The following RUFY1 variants were observed in gnomAD, a reference collection of about 807,000 sequenced individuals.
The protein encoded by RUFY1 is RUN and FYVE domain containing 1, also known as RUN and FYVE domain-containing protein 1.
In RUFY1, 54 loss-of-function variants were observed where a neutral mutation model predicts 94.6. The observed-to-expected ratio is 0.57, with a 90% CI of 0.46 to 0.72. The LOEUF (loss-of-function observed/expected upper bound fraction) is 0.72. RUFY1 is among the 30% of genes least tolerant of loss of function. The probability of loss-of-function intolerance (pLI) is 0.00; values close to 1 mark genes in which losing one functional copy is unlikely to be tolerated. For missense variants in RUFY1, 883 were observed against 883.9 expected (o/e 1.00, Z 0.01); for synonymous variants, 396 against 347.3 (o/e 1.14, Z -1.56).
chr5:179,600,539 A>G (rs1317137528), intron 14 of RUFY1, among the ~76,000 whole-genome samples: 1 of 152,224 alleles, frequency 6.6e-6, no homozygotes, highest in African/African-American at 2.4e-5. Flanking sequence ...CCACCTTTCA[A>G]ACTAGTCTTT....
At chr5:179,559,956 C>T in intron 1 of RUFY1, 69 bp from the exon 2 acceptor site, 3 of 1,542,494 alleles carry the variant, frequency 1.9e-6, no homozygotes, top group Non-Finnish European at 2.6e-6. Context: ...CGTCTTCTCA[C>T]CGTTGCCCGG....
chr5:179,596,910 C>T (rs1468144679), intron 13 of RUFY1: 5 of 511,204 alleles, frequency 9.8e-6, no homozygotes, highest in Non-Finnish European at 1.7e-5. Flanking sequence ...GATCTGGCCA[C>T]TCTCAAACCA....
chr5:179,607,153 T>C (rs1490013136), intron 16 of RUFY1: 1 of 207,192 alleles, frequency 4.8e-6, no homozygotes, highest in Non-Finnish European at 9.9e-6. Context: ...CGTCAACAAG[T>C]GTCTTAGTCT....
chr5:179,566,175 C>T (rs888990196), intron 3 of RUFY1, among the ~76,000 whole-genome samples: 1 of 152,092 alleles, frequency 6.6e-6, no homozygotes. Flanking sequence ...TACAGTCTCA[C>T]CAAGCAGCAC....
intron 1 of RUFY1, chr5:179,559,542 A>G (rs1762280986): frequency 2.4e-6 from 1 of 409,148 alleles, no homozygotes; most frequent in Non-Finnish European, 3.3e-6. Context: ...CGTCCGGGAC[A>G]GAGGGTGCAA....
chr5:179,570,168 G>A (rs1183209746), intron 5 of RUFY1, among the ~76,000 whole-genome samples: 1 of 152,192 alleles, frequency 6.6e-6, no homozygotes, highest in Non-Finnish European at 1.5e-5. Flanking sequence ...GTGAGCCACT[G>A]TGCCTTGCCT....
At chr5:179,596,890 G>C in intron 13 of RUFY1, 1 of 555,590 alleles carries the variant, frequency 1.8e-6, no homozygotes, top group East Asian at 3.3e-5. Flanking sequence ...GGTCCAGCTC[G>C]CCTCCAGAAG....
At chr5:179,597,516 G>T (rs531173878) in intron 13 of RUFY1, among the ~76,000 whole-genome samples, 19 of 152,050 alleles carry the variant, frequency 1.2e-4, no homozygotes, top group Non-Finnish European at 8.8e-5. Context: ...GATTACAGGC[G>T]TGAGCCACTG....
chr5:179,598,479 CA>C (rs1765920067), intron 13 of RUFY1: 1 of 603,152 alleles, frequency 1.7e-6, no homozygotes, highest in South Asian at 2.0e-5. Flanking sequence ...GCGTAAGTGT[CA>C]AGTGTGTGCC....
intron 15 of RUFY1, among the ~76,000 whole-genome samples, chr5:179,605,603 C>T (rs530930073): frequency 6.6e-6 from 1 of 152,234 alleles, no homozygotes; most frequent in South Asian, 2.1e-4. Flanking sequence ...CCTCAGCCTC[C>T]CTCAAAGTCT....
intron 6 of RUFY1, among the ~76,000 whole-genome samples, chr5:179,580,245 A>ATATATATATATATT (rs59300402): frequency 1.2e-5 from 1 of 81,686 alleles, no homozygotes; most frequent in Non-Finnish European, 2.5e-5. Context: ...GTGTGTGTAT[A>ATATATATATATATT]TTTTTTTTTT....
chr5:179,608,968 A>AGC (rs909660887), intron 17 of RUFY1, among the ~76,000 whole-genome samples: 7 of 151,106 alleles, frequency 4.6e-5, no homozygotes, highest in Non-Finnish European at 8.8e-5. Flanking sequence ...CTGTAATCCC[A>AGC]ACACTTTGGG....
rs767996315 is a variant in RUFY1, at chr5:179,567,481, G to A, written c.623G>A (p.Arg208Gln). The change falls in exon 4 of 18, where the codon CGA becomes CAA. Residue 208 changes from arginine (R) to glutamine (Q), a missense_variant. Transcript: ENST00000319449. ...PELKTAVGRG[R>Q]AWLYLALMQK... ...TCTAGGACAGCTGTGGGAAGAGGCC[G>A]AGCGTGGCTTTATCTTGCACTCATG... is the stretch of plus-strand genomic sequence containing the variant. The A allele has an allele frequency of 3.7e-6, 6 of 1,613,730 alleles. No homozygotes were observed. Among genetic ancestry groups the A allele is most frequent in the African/African-American group, 1.3e-5 (1 of 74,934 alleles).
At chr5:179,587,590 T>C (rs1461810355) in intron 8 of RUFY1, among the ~76,000 whole-genome samples, 2 of 137,446 alleles carry the variant, frequency 1.5e-5, no homozygotes, top group Non-Finnish European at 3.1e-5. Context: ...TTAGTAGAGA[T>C]GGCATTTCAC....
intron 2 of RUFY1, 53 bp from the exon 3 acceptor site, chr5:179,562,494 G>T: frequency 9.4e-7 from 1 of 1,064,998 alleles, no homozygotes; most frequent in Non-Finnish European, 1.5e-6. Context: ...GTGGGTCCCT[G>T]AAGAAATTTT....
At chr5:179,580,246 T>TATATATATATATATATATA (rs1554118967) in intron 6 of RUFY1, among the ~76,000 whole-genome samples, 4 of 104,208 alleles carry the variant, frequency 3.8e-5, no homozygotes, top group Non-Finnish European at 7.1e-5. Context: ...TGTGTGTATA[T>TATATATATATATATATATA]TTTTTTTTTT....
rs1480306198 is a variant in RUFY1 at position 179,587,081 on chromosome 5, TCTCA to T, written c.1026+1220_1026+1223del. ...GGTTTTTCTGCTTTTTGAGACAGGG[TCTCA>T]CTCTGTCACCCAGGCTGGAGTGCAG... On this transcript the variant is annotated intron_variant, in intron 8 of 17. Coordinates refer to ENST00000319449, the MANE Select transcript of RUFY1 (RefSeq NM_025158.5). Among the ~76,000 whole-genome samples, 3 of 152,240 alleles carry T rather than the reference TCTCA, an allele frequency of 2.0e-5. No individual in the cohort carries two copies. The East Asian group carries it at 5.8e-4, about 29-fold the overall frequency.
At chr5:179,565,314 G>A (rs1383023485) in intron 3 of RUFY1, among the ~76,000 whole-genome samples, 29 of 151,918 alleles carry the variant, frequency 1.9e-4, no homozygotes, top group African/African-American at 4.8e-5. Flanking sequence ...GAGTAGCTGG[G>A]ATTATAGGCA....
chr5:179,573,594 C>T (rs1469362421), intron 5 of RUFY1, among the ~76,000 whole-genome samples: 2 of 152,092 alleles, frequency 1.3e-5, no homozygotes, highest in Non-Finnish European at 2.9e-5. Flanking sequence ...ATAATCTCCA[C>T]TCACTGCAAC....
Sources: allele counts gnomAD v4.1 joint callset (sites outside exome capture counted in the v4.1 genomes callset), GRCh38; gene constraint gnomAD v4.1.1; transcripts MANE v1.5; gene names NCBI Gene and HGNC (gene_info 2026-07-23, HGNC 2026-07-21).